IFT140: variants seen among roughly 807,000 people sequenced by gnomAD.
IFT140 encodes the protein intraflagellar transport protein 140 homolog.
Under a neutral mutation model 164.6 loss-of-function variants are expected in IFT140, and 133 were observed. That is an observed-to-expected ratio of 0.81 (90% CI 0.70 to 0.93). IFT140 has a LOEUF of 0.93. Ranked by LOEUF, IFT140 falls within the 40% of genes least tolerant of loss-of-function variation. The pLI, the probability that IFT140 is intolerant of heterozygous loss-of-function variation, is 0.00. For missense variants in IFT140, 2,045 were observed against 1,972.3 expected (o/e 1.04, Z -0.70); for synonymous variants, 860 against 817.3 (o/e 1.05, Z -0.89).
At chr16:1,594,809 G>A (rs2035369280) in intron 4 of IFT140, among the ~76,000 whole-genome samples, 1 of 152,186 alleles carries the variant, frequency 6.6e-6, no homozygotes, top group Admixed American at 6.5e-5. Context: ...TGGCTCTTCC[G>A]CTCAGACGCC....
At position 1,553,877 on chromosome 16, in the gene IFT140, C is replaced by T. The variant is rs2032879076; in HGVS notation, c.2399+4058G>A. On this transcript the variant is annotated intron_variant, in intron 19 of 30. Coordinates refer to ENST00000426508, the MANE Select transcript of IFT140 (RefSeq NM_014714.4). This position sits in a 1 kb window ranked among gnomAD's most constrained non-coding sequence, Gnocchi z 4.4. ...GTTATCCTAGTTGGTAGACTCTAGT[C>T]ACGAAACCCTGATTTTCCTGTTGTA... The T allele has an allele frequency of 6.4e-6, 8 of 1,255,602 alleles. No homozygotes were observed. The highest frequency in any genetic ancestry group is 5.7e-5 in the East Asian group (1 of 17,652). The allele number at this position is 1,255,602 out of a possible 1,614,324, so 77.8% of individuals were successfully genotyped here.
intron 2 of IFT140, among the ~76,000 whole-genome samples, chr16:1,609,608 G>C (rs1406439481): frequency 6.6e-6 from 1 of 152,204 alleles, no homozygotes; most frequent in African/African-American, 2.4e-5. Context: ...AACTTAGCAA[G>C]GAGAGAGATT....
intron 13 of IFT140, among the ~76,000 whole-genome samples, chr16:1,575,288 T>C (rs1286013018): frequency 2.0e-5 from 3 of 151,820 alleles, no homozygotes; most frequent in African/African-American, 4.8e-5. Context: ...GGCAGGAGGA[T>C]GAATTGACCC....
chr16:1,516,723 T>C (rs1270979083), intron 30 of IFT140, among the ~76,000 whole-genome samples: 2 of 146,696 alleles, frequency 1.4e-5, no homozygotes, highest in East Asian at 2.0e-4. Flanking sequence ...TGAGCCGAGA[T>C]TGCACCACCG....
At chr16:1,595,422 C>T (rs1476405838) in intron 4 of IFT140, among the ~76,000 whole-genome samples, 4 of 151,982 alleles carry the variant, frequency 2.6e-5, no homozygotes, top group Non-Finnish European at 5.9e-5. Context: ...TCGAGACCAG[C>T]CTGGCCAGCA....
chr16:1,597,940 G>T lies in IFT140; in HGVS notation c.369+4430C>A, dbSNP rs370175228. Among the ~76,000 whole-genome samples the T allele has an allele frequency of 1.8e-4, 27 of 152,282 alleles. 1 individual carries two copies. Among genetic ancestry groups the T allele is most frequent in the Middle Eastern group, 3.4e-3 (1 of 294 alleles). On this transcript the variant is annotated intron_variant, in intron 4 of 30. Transcript: ENST00000426508. Reference sequence around the variant, plus strand: ...CCTGGCTTACTTGTTTCTCAACACAGTCAAGCTGAGAATTACAAAAGTCAA... The same window carrying T: ...CCTGGCTTACTTGTTTCTCAACACATTCAAGCTGAGAATTACAAAAGTCAA...
At chr16:1,562,638 G>A (rs1191516206) in intron 17 of IFT140, among the ~76,000 whole-genome samples, 1 of 152,138 alleles carries the variant, frequency 6.6e-6, no homozygotes, top group African/African-American at 2.4e-5. Flanking sequence ...CAGGCGTGGT[G>A]GTAGGCACTT....
rs758200855 is a variant in IFT140 at position 1,589,636 on chromosome 16, G to A, written c.779C>T (p.Pro260Leu). ...ENLRLSLYTV[P>L]PEGKAEEVMK... ...CACTTCTTCTGCTTTGCCCTCAGGA[G>A]GCACCGTGTACAGGGACAGCCGGAG... Residue 260 changes from proline to leucine, a missense_variant, in exon 7 of 31, where the codon CCT becomes CTT. Coordinates refer to ENST00000426508, the MANE Select transcript of IFT140 (RefSeq NM_014714.4). 3.1e-6 allele frequency: 5 copies of A among 1,614,124 alleles called. No homozygotes were observed. Among genetic ancestry groups the A allele is most frequent in the South Asian group, 1.1e-5 (1 of 91,078 alleles).
Position 1,533,748 on chromosome 16 carries a change from C to T in IFT140, c.2400-6952G>A, listed in dbSNP as rs566762665. 47 of 158,626 alleles carry T rather than the reference C, an allele frequency of 3.0e-4. No homozygotes were observed. Among genetic ancestry groups the T allele is most frequent in the African/African-American group, 1.0e-3 (42 of 41,660 alleles). 9.8% of individuals were successfully genotyped at this position (158,626 alleles called of 1,614,324 possible). A position where few individuals can be genotyped will look rare whatever the true frequency, so the allele number is the denominator to read the frequency against. On this transcript the variant is annotated intron_variant, in intron 19 of 30. Coordinates refer to ENST00000426508, the MANE Select transcript of IFT140 (RefSeq NM_014714.4). The surrounding 1 kb of genome is among the most constrained non-coding windows in gnomAD (Gnocchi z 4.7). ...CAGCAGCCACTCTGCTTTCCAGGAC[C>T]GGCCAACTGCCCTGGAGGCATCCAC...
chr16:1,596,627 A>G (rs146981554), intron 4 of IFT140, among the ~76,000 whole-genome samples: 11 of 152,346 alleles, frequency 7.2e-5, no homozygotes, highest in African/African-American at 2.6e-4. Context: ...CAAGAGCTCA[A>G]CTTCCACCAA....
In IFT140 at chr16:1,523,672, A is replaced by G. The variant is rs1160234147; in HGVS notation, c.3299T>C (p.Leu1100Pro). ...CACAAACTGCTGGGTGGCAAAGGCC[A>G]GCTCCAGGGCCTTGGAGAAGTGGCC... is the stretch of plus-strand genomic sequence containing the variant. ...KAGHFSKALE[L>P]AFATQQFVAL... Residue 1100 changes from leucine to proline, a missense_variant, in exon 26 of 31, where the codon CTG becomes CCG. By Grantham distance (98) the Leu-to-Pro change is moderately conservative. Transcript: ENST00000426508. 4 of 1,613,748 alleles carry G rather than the reference A, an allele frequency of 2.5e-6. No individual in the cohort carries two copies. The highest frequency in any genetic ancestry group is 3.4e-6 in the Non-Finnish European group (4 of 1,179,996).
At chr16:1,598,637 G>C (rs4786368) in intron 4 of IFT140, among the ~76,000 whole-genome samples, 70,760 of 152,214 alleles carry the variant, frequency 0.46, 16,915 homozygotes, top group East Asian at 0.66. Flanking sequence ...TCTCTAGGGA[G>C]AGAGGCTGGT....
chr16:1,511,274 C>T (rs533114096), intron 30 of IFT140, 124 bp from the exon 31 acceptor site: 9 of 841,390 alleles, frequency 1.1e-5, no homozygotes, highest in East Asian at 2.6e-5. Context: ...CTGGAGGACA[C>T]GGGGTGCACT....
Position 1,571,435 on chromosome 16 carries a change from G to C in IFT140, c.1624C>G (p.His542Asp), listed in dbSNP as rs755558885. The C allele has an allele frequency of 1.2e-6, 2 of 1,614,014 alleles. No individual in the cohort carries two copies. The highest frequency in any genetic ancestry group is 2.2e-5 in the South Asian group (2 of 91,020). Residue 542 changes from histidine to aspartate, a missense_variant, in exon 14 of 31, where the codon CAC becomes GAC. Coordinates refer to ENST00000426508, the MANE Select transcript of IFT140 (RefSeq NM_014714.4). ...NFLVVGTDLA[H>D]FKSFDLSRRE... ...CGGGAAAGATCAAAGCTTTTAAAGTGAGCCAAGTCTGTCCCTACAACCAGG... is the reference window on the plus strand; with the variant it reads ...CGGGAAAGATCAAAGCTTTTAAAGTCAGCCAAGTCTGTCCCTACAACCAGG...
At chr16:1,604,880 G>T (rs1038959369) in intron 3 of IFT140, among the ~76,000 whole-genome samples, 1 of 152,116 alleles carries the variant, frequency 6.6e-6, no homozygotes, top group Non-Finnish European at 1.5e-5. Flanking sequence ...GATAAAGGGG[G>T]TGACTTTCAT....
At chr16:1,596,736 G>A (rs567733777) in intron 4 of IFT140, among the ~76,000 whole-genome samples, 1 of 152,260 alleles carries the variant, frequency 6.6e-6, no homozygotes, top group South Asian at 2.1e-4. Context: ...AGTACAAGAC[G>A]TAGAACTGAG....
At chr16:1,587,501 G>A (rs2034949795) in intron 8 of IFT140, among the ~76,000 whole-genome samples, 197 bp from the exon 9 acceptor site, 1 of 152,234 alleles carries the variant, frequency 6.6e-6, no homozygotes, top group South Asian at 2.1e-4. Context: ...AGCCGTTGCC[G>A]ATAGATGGTG....
At chr16:1,574,781 G>A (rs530089723) in intron 13 of IFT140, among the ~76,000 whole-genome samples, 15 of 150,722 alleles carry the variant, frequency 1.0e-4, no homozygotes, top group Admixed American at 4.6e-4. Context: ...CCCTCCCTCA[G>A]GTTCTCCATG....
intron 19 of IFT140, chr16:1,530,845 G>A (rs2030400476): frequency 6.6e-6 from 1 of 152,322 alleles, no homozygotes; most frequent in Non-Finnish European, 1.5e-5. Flanking sequence ...GCCCTGTCCT[G>A]GGCATTAAGT....
Sources: gnomAD v4.1 joint callset for allele counts (sites outside exome capture counted in the v4.1 genomes callset) on GRCh38, gnomAD v4.1.1 for gene constraint, Gnocchi (gnomAD v3.1) non-coding constraint, MANE v1.5 for transcripts, NCBI Gene and HGNC (gene_info 2026-07-23, HGNC 2026-07-21) for gene names.